Variants in PCDH15 observed in about 807,000 individuals in gnomAD.
PCDH15 encodes the protein protocadherin related 15, also known as protocadherin-15.
In PCDH15, 129 loss-of-function variants were observed where a neutral mutation model predicts 178.5. The ratio of observed to expected loss-of-function variants is 0.72; its 90% CI spans 0.63 to 0.84. PCDH15 has a LOEUF of 0.84. PCDH15 is among the 40% of genes least tolerant of loss of function. PCDH15 has a pLI of 0.00. For synonymous variants in PCDH15, 800 were observed against 732.0 expected (o/e 1.09, Z -1.50); for missense variants, 2,230 against 2,099.9 (o/e 1.06, Z -1.21).
At chr10:54,530,668 A>G (rs1351509742) in intron 2 of PCDH15, among the ~76,000 whole-genome samples, 1 of 151,992 alleles carries the variant, frequency 6.6e-6, no homozygotes, top group Non-Finnish European at 1.5e-5. Flanking sequence ...GCTTAACTAC[A>G]TTTTCTCCTG....
intron 1 of PCDH15, among the ~76,000 whole-genome samples, chr10:54,683,301 T>C (rs2094933039): frequency 6.6e-6 from 1 of 152,032 alleles, no homozygotes; most frequent in African/African-American, 2.4e-5. Flanking sequence ...GAACTTTTCA[T>C]CGTTACAAAC....
At chr10:53,928,981 TGC>T (rs2084809281) in intron 25 of PCDH15, among the ~76,000 whole-genome samples, 1 of 152,124 alleles carries the variant, frequency 6.6e-6, no homozygotes, top group Non-Finnish European at 1.5e-5. Flanking sequence ...AACTATTTTA[TGC>T]ATTCCTAGAT....
chr10:55,230,893 G>A (rs889490283), intron 1 of PCDH15, among the ~76,000 whole-genome samples: 1 of 151,940 alleles, frequency 6.6e-6, no homozygotes, highest in Non-Finnish European at 1.5e-5. Flanking sequence ...GGTTGTTAAT[G>A]GTCATACATT....
At chr10:55,198,883 G>A (rs532188125) in intron 1 of PCDH15, among the ~76,000 whole-genome samples, 68 of 151,950 alleles carry the variant, frequency 4.5e-4, no homozygotes, top group African/African-American at 1.5e-3. Flanking sequence ...CTTTGCCTTC[G>A]CCATGACTAA....
intron 3 of PCDH15, among the ~76,000 whole-genome samples, chr10:54,391,817 G>A (rs946415609): frequency 6.6e-5 from 10 of 152,126 alleles, no homozygotes. Flanking sequence ...GTGAAGAGTG[G>A]ATGTAAAAGG....
intron 1 of PCDH15, among the ~76,000 whole-genome samples, chr10:54,795,931 C>T (rs2133624162): frequency 6.6e-6 from 1 of 151,970 alleles, no homozygotes; most frequent in Non-Finnish European, 1.5e-5. Context: ...ACCTTGGTTT[C>T]AGGTCCTGTG....
rs981869857 is a variant in PCDH15, at chr10:54,519,995, C to A, written c.157+7817G>T. Among the ~76,000 whole-genome samples the A allele has an allele frequency of 2.1e-4, 32 of 152,170 alleles. No individual in the cohort carries two copies. The South Asian group carries it at 2.3e-3, about 11-fold the overall frequency. ...CCCTATTTAATAAATGGTGCTGGTA[C>A]AACTGGCTAGCCATATGTAGAAAGC... On this transcript the variant is annotated intron_variant, in intron 3 of 37. Transcript: ENST00000644397.
At position 55,492,028 on chromosome 10, in the gene PCDH15, C is replaced by A. The variant is rs78799240; in HGVS notation, c.-156+135597G>T. 3.5e-3 allele frequency among the ~76,000 whole-genome samples: 538 copies of A among 151,796 alleles called. 6 individuals are homozygous for A. The highest frequency in any genetic ancestry group is 0.012 in the African/African-American group (516 of 41,448). ...GGTCCGTGAAGTTTTAACCCTACTT[C>A]TGACCACAAACTGATTGAACAATAA... On this transcript the variant is annotated intron_variant, in intron 2 of 5. Coordinates refer to the PCDH15 transcript ENST00000613346.
At chr10:54,966,666 C>T (rs1838799938) in intron 2 of PCDH15, among the ~76,000 whole-genome samples, 1 of 152,040 alleles carries the variant, frequency 6.6e-6, no homozygotes, top group Non-Finnish European at 1.5e-5. Context: ...GGCAGTTTCT[C>T]CCATACTGTT....
At chr10:55,121,358 T>TC (rs1554832754) in intron 2 of PCDH15, among the ~76,000 whole-genome samples, 2 of 149,020 alleles carry the variant, frequency 1.3e-5, no homozygotes, top group African/African-American at 2.4e-5. Flanking sequence ...GGCTCAGAGC[T>TC]GGGGGGGGGC....
intron 2 of PCDH15, among the ~76,000 whole-genome samples, chr10:55,034,511 A>C (rs981263484): frequency 3.9e-5 from 6 of 152,166 alleles, no homozygotes; most frequent in Non-Finnish European, 8.8e-5. Flanking sequence ...GCATGCATTT[A>C]TTGACTGCCT....
chr10:55,487,484 C>T (rs1840320519), intron 2 of PCDH15, among the ~76,000 whole-genome samples: 1 of 151,648 alleles, frequency 6.6e-6, no homozygotes, highest in Non-Finnish European at 1.5e-5. Context: ...TATTTCCTTT[C>T]CTTCCTTCAT....
rs1565804136 is a variant in PCDH15, at chr10:54,632,311, G to C, written c.91+31861C>G. Among the ~76,000 whole-genome samples the C allele has an allele frequency of 2.0e-5, 3 of 151,980 alleles. No homozygotes were observed. In the South Asian group the frequency reaches 6.2e-4, roughly 32 times the overall value. ...GAAGAGTAGGAGTGGGTCAAGGTCT[G>C]AAAAAATACCTGCTAGGTACTATGC... On this transcript the variant is annotated intron_variant, in intron 2 of 37. Transcript: ENST00000644397.
intron 15 of PCDH15, among the ~76,000 whole-genome samples, chr10:54,128,215 C>A (rs888510503): frequency 6.6e-6 from 1 of 152,072 alleles, no homozygotes; most frequent in Non-Finnish European, 1.5e-5. Flanking sequence ...GGAATTCTAA[C>A]GTATCTTTTA....
intron 2 of PCDH15, among the ~76,000 whole-genome samples, chr10:55,492,310 G>A (rs1199932886): frequency 1.3e-5 from 2 of 151,712 alleles, no homozygotes; most frequent in Non-Finnish European, 2.9e-5. Context: ...AGGCTTAAAG[G>A]CAGAAATCCA....
intron 1 of PCDH15, among the ~76,000 whole-genome samples, chr10:54,779,533 C>T (rs372907511): frequency 0.018 from 480 of 27,046 alleles, no homozygotes; most frequent in Non-Finnish European, 0.021. Flanking sequence ...TATACACACA[C>T]ATATATATAG....
chr10:55,599,793 TAGTATTA>T (rs1843030214), intron 2 of PCDH15: 2 of 508,378 alleles, frequency 3.9e-6, no homozygotes, highest in African/African-American at 3.9e-5. Flanking sequence ...CTAGCATTGC[TAGTATTA>T]GAGGCACTGC....
chr10:54,284,362 T>C (rs971536976), intron 8 of PCDH15, among the ~76,000 whole-genome samples: 2 of 151,816 alleles, frequency 1.3e-5, no homozygotes, highest in Non-Finnish European at 2.9e-5. Context: ...GTCTAGTTCT[T>C]CAAAATTGTC....
chr10:54,297,729 C>G (rs1466303457), intron 8 of PCDH15, among the ~76,000 whole-genome samples: 1 of 152,164 alleles, frequency 6.6e-6, no homozygotes, highest in Non-Finnish European at 1.5e-5. Flanking sequence ...CCTTCTCCCT[C>G]TCCGATTTAA....
Sources: gnomAD v4.1 joint callset for allele counts (sites outside exome capture counted in the v4.1 genomes callset) on GRCh38, gnomAD v4.1.1 for gene constraint, MANE v1.5 for transcripts, NCBI Gene and HGNC (gene_info 2026-07-23, HGNC 2026-07-21) for gene names.